STK33: variants seen among roughly 807,000 people sequenced by gnomAD.
The protein encoded by STK33 is serine/threonine kinase 33, also known as serine/threonine-protein kinase 33.
A neutral mutation model predicts 58.0 loss-of-function variants in STK33; 52 were observed. The ratio of observed to expected loss-of-function variants is 0.90; its 90% CI spans 0.72 to 1.13. STK33 has a LOEUF of 1.13. Ranked by LOEUF, STK33 falls within the 50% of genes most tolerant of loss-of-function variation. The pLI is 0.00. For synonymous variants in STK33, 215 were observed against 200.1 expected (o/e 1.07, Z -0.63); for missense variants, 630 against 604.2 (o/e 1.04, Z -0.45).
intron 2 of STK33, among the ~76,000 whole-genome samples, 105 bp downstream of exon 2, chr11:8,480,305 T>C (rs1195609450): frequency 6.6e-6 from 1 of 152,182 alleles, no homozygotes; most frequent in Non-Finnish European, 1.5e-5. Context: ...CTAGGACGTA[T>C]TGAGGTTCCT....
chr11:8,430,425 T>C (rs2039230728), intron 14 of STK33, among the ~76,000 whole-genome samples: 1 of 152,080 alleles, frequency 6.6e-6, no homozygotes, highest in South Asian at 2.1e-4. Flanking sequence ...TTCGCTTCCC[T>C]GGGCCACACT....
In STK33 at chr11:8,573,186, A is replaced by C. The variant is rs544480555; in HGVS notation, c.-466+20897T>G. ...ATTACAGGCTGAGAAAAATGACTGC[A>C]AATCACATATCTGACAAAGAATTTG... On this transcript the variant is annotated intron_variant, in intron 1 of 15. Coordinates refer to ENST00000687296, the MANE Select transcript of STK33 (RefSeq NM_001352389.2). Among the ~76,000 whole-genome samples the C allele has an allele frequency of 4.6e-5, 7 of 152,364 alleles. No homozygotes were observed. In the South Asian group the frequency reaches 1.0e-3, roughly 23 times the overall value.
chr11:8,338,305 T>C, the STK33 span, among the ~76,000 whole-genome samples: 1 of 152,196 alleles, frequency 6.6e-6, no homozygotes, highest in Non-Finnish European at 1.5e-5. Context: ...TCCAGATCAC[T>C]GCAGGCTCCC....
intron 14 of STK33, among the ~76,000 whole-genome samples, chr11:8,414,382 A>C (rs1408574116): frequency 1.3e-5 from 2 of 152,124 alleles, no homozygotes; most frequent in Non-Finnish European, 2.9e-5. Flanking sequence ...CTCCTGCTTG[A>C]TTAGGTGTGT....
chr11:8,433,565 C>T (rs1189658727), intron 14 of STK33, among the ~76,000 whole-genome samples: 1 of 152,140 alleles, frequency 6.6e-6, no homozygotes, highest in African/African-American at 2.4e-5. Context: ...CACTTGGATG[C>T]CACATAAGCA....
chr11:8,448,834 G>C (rs1386129244), intron 11 of STK33, among the ~76,000 whole-genome samples: 2 of 152,196 alleles, frequency 1.3e-5, no homozygotes, highest in East Asian at 3.8e-4. Flanking sequence ...ACTACCATCA[G>C]AGTGCACAGG....
intron 15 of STK33, among the ~76,000 whole-genome samples, chr11:8,407,864 TGAA>T (rs1939528247): frequency 6.6e-6 from 1 of 151,922 alleles, no homozygotes; most frequent in African/African-American, 2.4e-5. Flanking sequence ...AGGATAAAAG[TGAA>T]GAAGAACACG....
chr11:8,358,641 C>A, the STK33 span, among the ~76,000 whole-genome samples: 1 of 152,060 alleles, frequency 6.6e-6, no homozygotes, highest in South Asian at 2.1e-4. Context: ...TGAGAGGGGG[C>A]GGGTGCTGCG....
intron 1 of STK33, among the ~76,000 whole-genome samples, chr11:8,520,196 A>G (rs1400567736): frequency 6.6e-6 from 1 of 152,240 alleles, no homozygotes; most frequent in African/African-American, 2.4e-5. Flanking sequence ...AACATATGCA[A>G]ATCAATAAAT....
At chr11:8,354,516 ACCCCT>A in the STK33 span, among the ~76,000 whole-genome samples, 8 of 127,738 alleles carry the variant, frequency 6.3e-5, no homozygotes, top group South Asian at 2.6e-4. Flanking sequence ...ACACACACAC[ACCCCT>A]CAGACACCCC....
chr11:8,525,664 C>T (rs1953959683), intron 1 of STK33, among the ~76,000 whole-genome samples: 1 of 152,120 alleles, frequency 6.6e-6, no homozygotes. Flanking sequence ...CTAGAAGATG[C>T]TTTATGACCC....
intron 1 of STK33, among the ~76,000 whole-genome samples, chr11:8,561,661 C>T (rs1957119882): frequency 6.6e-6 from 1 of 152,138 alleles, no homozygotes. Context: ...ACCAATAACA[C>T]ATATGTTGGA....
chr11:8,478,525 G>A (rs1304214911), intron 2 of STK33, among the ~76,000 whole-genome samples: 2 of 151,948 alleles, frequency 1.3e-5, no homozygotes, highest in Non-Finnish European at 2.9e-5. Flanking sequence ...AAAATCCCTG[G>A]GCTTTAATTT....
chr11:8,488,816 G>C lies in STK33; in HGVS notation c.-465-8202C>G, dbSNP rs1283797399. Among the ~76,000 whole-genome samples, 8 of 152,110 alleles carry C rather than the reference G, an allele frequency of 5.3e-5. No individual in the cohort carries two copies. In the East Asian group the frequency reaches 1.5e-3, roughly 29 times the overall value. On this transcript the variant is annotated intron_variant, in intron 1 of 15. Coordinates refer to ENST00000687296, the MANE Select transcript of STK33 (RefSeq NM_001352389.2). ...ACAAAAAATTATGAGATATGGGAAA[G>C]AAAACAAGCAAACATGGCCCATACA...
chr11:8,436,160 T>C, intron 12 of STK33, 21 bp from the exon 13 acceptor site: 1 of 1,403,516 alleles, frequency 7.1e-7, no homozygotes, highest in Non-Finnish European at 9.6e-7. Flanking sequence ...GGCAATCACT[T>C]TGTTTAAATT....
intron 14 of STK33, among the ~76,000 whole-genome samples, chr11:8,418,168 T>C (rs1299291886): frequency 6.6e-6 from 1 of 151,888 alleles, no homozygotes; most frequent in African/African-American, 2.4e-5. Flanking sequence ...GTCACAGGGG[T>C]TCGTTGGACA....
intron 1 of STK33, among the ~76,000 whole-genome samples, chr11:8,529,653 G>A (rs1260505643): frequency 6.6e-6 from 1 of 152,074 alleles, no homozygotes. Context: ...AAGGGCAAAG[G>A]TAATAGTAGG....
chr11:8,369,248 T>C, the STK33 span, among the ~76,000 whole-genome samples: 334 of 152,190 alleles, frequency 2.2e-3, 3 homozygotes, highest in East Asian at 0.029. Context: ...GTCACTTTTT[T>C]TTTACCTTCT....
chr11:8,410,464 T>C (rs1421234767), intron 15 of STK33, among the ~76,000 whole-genome samples: 1 of 121,206 alleles, frequency 8.3e-6, no homozygotes, highest in Admixed American at 8.4e-5. Context: ...TATTTTCTTT[T>C]CTTTTCTTTT....
Sources: gnomAD v4.1 joint callset for allele counts (sites outside exome capture counted in the v4.1 genomes callset) on GRCh38, gnomAD v4.1.1 for gene constraint, MANE v1.5 for transcripts, NCBI Gene and HGNC (gene_info 2026-07-23, HGNC 2026-07-21) for gene names.